TSEN15: variants seen among roughly 807,000 people sequenced by gnomAD.
The protein encoded by TSEN15 is tRNA-splicing endonuclease subunit Sen15.
A neutral mutation model predicts 20.5 loss-of-function variants in TSEN15; 10 were observed. The ratio of observed to expected loss-of-function variants is 0.49; its 90% CI spans 0.30 to 0.83. The LOEUF (loss-of-function observed/expected upper bound fraction) is 0.83. Among genes scored for constraint, TSEN15 ranks in the 40% least tolerant of loss-of-function variants. The pLI is 0.06. For synonymous variants in TSEN15, 72 were observed against 80.1 expected, an observed-to-expected ratio of 0.90 and a Z score of 0.54; for missense variants, 180 against 218.6, an observed-to-expected ratio of 0.82 and a Z score of 1.11.
chr1:184,074,226 CT>C (rs1216312730), downstream of TSEN15: 1 of 152,134 alleles, frequency 6.6e-6, no homozygotes, highest in Non-Finnish European at 1.5e-5. Context: ...GTCTTGAAAT[CT>C]GTATTAGTTA....
intron 3 of TSEN15, among the ~76,000 whole-genome samples, chr1:184,057,131 C>G (rs917399450): frequency 6.6e-6 from 1 of 152,254 alleles, no homozygotes; most frequent in Admixed American, 6.5e-5. Flanking sequence ...TGGGCACTCT[C>G]TCTTGCTTAC....
chr1:184,072,294 C>T lies in TSEN15; in HGVS notation c.491C>T (p.Pro164Leu). The T allele has an allele frequency of 6.2e-7, 1 of 1,605,214 alleles. No individual in the cohort carries two copies. The highest frequency in any genetic ancestry group is 8.5e-7 in the Non-Finnish European group (1 of 1,176,376). ...ACTGATGGATTTATGCTGCCAGACC[C>T]TCAGGTCAGTTTTGAGGTAACTGAC... Reference protein sequence around the residue: ...KLTDGFMLPDPQNISLRR With the variant: ...KLTDGFMLPDLQNISLRR Residue 164 changes from proline to leucine, a missense_variant, in exon 4 of 5, where the codon CCT (proline) becomes CTT (leucine). Pro to Leu is a moderately conservative substitution (Grantham distance 98). Transcript: ENST00000645668.
chr1:184,057,432 T>C (rs1299659103), intron 3 of TSEN15, among the ~76,000 whole-genome samples: 1 of 152,134 alleles, frequency 6.6e-6, no homozygotes, highest in Non-Finnish European at 1.5e-5. Context: ...ATACTTAACA[T>C]TTTTTCTAGC....
chr1:184,060,792 A>G (rs1650425316), intron 3 of TSEN15, among the ~76,000 whole-genome samples: 1 of 152,156 alleles, frequency 6.6e-6, no homozygotes, highest in African/African-American at 2.4e-5. Flanking sequence ...AGTTAGCCTC[A>G]CAGCTATTAG....
intron 3 of TSEN15, among the ~76,000 whole-genome samples, chr1:184,060,030 G>GAA (rs34970632): frequency 5.9e-5 from 9 of 151,894 alleles, no homozygotes; most frequent in African/African-American, 1.9e-4. Flanking sequence ...TGTGATTTCA[G>GAA]AAAAAAAATC....
At chr1:184,061,061 C>T (rs372375966) in intron 3 of TSEN15, among the ~76,000 whole-genome samples, 3 of 152,100 alleles carry the variant, frequency 2.0e-5, no homozygotes, top group African/African-American at 7.2e-5. Flanking sequence ...GGCTTTGGCC[C>T]ATATATTGTT....
At chr1:184,093,049 G>A (rs1254414647) in intron 3 of TSEN15, among the ~76,000 whole-genome samples, 2 of 152,144 alleles carry the variant, frequency 1.3e-5, no homozygotes, top group East Asian at 3.8e-4. Context: ...TCTAAATATA[G>A]ACTGGTACAA....
At chr1:184,061,849 C>T (rs754557660) in intron 3 of TSEN15, among the ~76,000 whole-genome samples, 14 of 152,188 alleles carry the variant, frequency 9.2e-5, no homozygotes, top group South Asian at 6.2e-4. Flanking sequence ...GCAAGAGTGT[C>T]GACAGATTCC....
chr1:184,095,145 G>A (rs1002234588), intron 3 of TSEN15: 4 of 398,198 alleles, frequency 1.0e-5, no homozygotes, highest in Non-Finnish European at 1.8e-5. Flanking sequence ...AGTAACCCAT[G>A]ACTTGTTTGA....
chr1:184,085,473 A>G (rs748746395), intron 3 of TSEN15, among the ~76,000 whole-genome samples: 4 of 152,240 alleles, frequency 2.6e-5, no homozygotes, highest in Non-Finnish European at 4.4e-5. Context: ...ATGAATACAC[A>G]TAAAATAATG....
chr1:184,079,664 A>G (rs1651126636), intron 3 of TSEN15, among the ~76,000 whole-genome samples: 2 of 152,278 alleles, frequency 1.3e-5, no homozygotes, highest in Middle Eastern at 6.8e-3. Flanking sequence ...CCATCAGATT[A>G]GGGCCCCATC....
intron 3 of TSEN15, among the ~76,000 whole-genome samples, chr1:184,083,988 T>C (rs145363367): frequency 3.9e-5 from 6 of 152,286 alleles, no homozygotes; most frequent in African/African-American, 1.4e-4. Flanking sequence ...CCATTAGAAT[T>C]GTGCTCCTTT....
intron 3 of TSEN15, chr1:184,095,616 C>G: frequency 2.5e-6 from 1 of 393,236 alleles, no homozygotes; most frequent in East Asian, 3.6e-5. Context: ...CCAGAGATCT[C>G]TATCTCTCTC....
downstream of TSEN15, among the ~76,000 whole-genome samples, chr1:184,075,892 TTATA>T (rs1255091578): frequency 6.9e-5 from 10 of 144,322 alleles, no homozygotes; most frequent in South Asian, 2.2e-4. Flanking sequence ...GGGGTGGGTT[TTATA>T]TATATATATA....
chr1:184,096,343 C>T (rs536709361), exon 4 of TSEN15: 2 of 152,358 alleles, frequency 1.3e-5, no homozygotes, highest in East Asian at 3.9e-4. Flanking sequence ...CTAATAAAAT[C>T]AGATAATCAA....
chr1:184,055,277 G>C (rs567695099), intron 3 of TSEN15, among the ~76,000 whole-genome samples: 2 of 152,168 alleles, frequency 1.3e-5, no homozygotes, highest in South Asian at 4.1e-4. Flanking sequence ...TAAATGACCA[G>C]ATCTCACGAG....
rs146311601 is a variant in TSEN15, at chr1:184,066,551, G to A, written c.354-5606G>A. Among the ~76,000 whole-genome samples the A allele has an allele frequency of 8.9e-3, 1,351 of 151,910 alleles. 11 individuals carry two copies. The highest frequency in any genetic ancestry group is 0.015 in the Non-Finnish European group (991 of 67,922). ...CTCTTGAGTAGCTGGGACTACAGGC[G>A]CATACCACCACACCTGGCTAATTTT... On this transcript the variant is annotated intron_variant, in intron 3 of 4. Coordinates refer to ENST00000645668, the MANE Select transcript of TSEN15 (RefSeq NM_052965.4).
At chr1:184,070,754 A>G (rs760190139) in intron 3 of TSEN15, 12 of 853,172 alleles carry the variant, frequency 1.4e-5, no homozygotes, top group Non-Finnish European at 1.9e-5. Context: ...TCTGATTAAT[A>G]TCTATCGTTG....
intron 3 of TSEN15, among the ~76,000 whole-genome samples, chr1:184,067,511 G>A (rs1480818743): frequency 6.6e-6 from 1 of 152,120 alleles, no homozygotes; most frequent in Non-Finnish European, 1.5e-5. Flanking sequence ...GAAAGATTGG[G>A]TAAGCTATCT....
Sources: gnomAD v4.1 joint callset for allele counts (sites outside exome capture counted in the v4.1 genomes callset) on GRCh38, gnomAD v4.1.1 for gene constraint, MANE v1.5 for transcripts, NCBI Gene and HGNC (gene_info 2026-07-23, HGNC 2026-07-21) for gene names.